CACNB4: variants seen among roughly 807,000 people sequenced by gnomAD.
CACNB4 encodes calcium voltage-gated channel auxiliary subunit beta 4, also known as voltage-dependent L-type calcium channel subunit beta-4.
CACNB4 carries 32 observed loss-of-function variants against 71.2 expected under a neutral mutation model. That is an observed-to-expected ratio of 0.45 (90% confidence interval 0.34 to 0.60). The LOEUF (loss-of-function observed/expected upper bound fraction) is 0.60, where lower values mean the gene tolerates loss of function less well. CACNB4 is among the 20% of genes least tolerant of loss of function. The pLI is 0.01. For synonymous variants in CACNB4, 231 were observed against 236.9 expected, an observed-to-expected ratio of 0.97 and a Z score of 0.23; for missense variants, 464 against 647.9, an observed-to-expected ratio of 0.72 and a Z score of 3.08.
rs80336789 is a variant in CACNB4, at chr2:151,955,919, A to G, written c.148-72549T>C. Among the ~76,000 whole-genome samples the G allele has an allele frequency of 6.8e-5, 3 of 43,858 alleles. No individual in the cohort carries two copies. In the Admixed American group the frequency reaches 7.1e-4, roughly 10 times the overall value. The allele number at this position is 43,858 out of a possible 152,430, so 28.8% of individuals were successfully genotyped here. On this transcript the variant is annotated intron_variant, in intron 2 of 13. Coordinates refer to ENST00000539935, the MANE Select transcript of CACNB4 (RefSeq NM_000726.5). ...CACGGTCTCAAAAATAAAAAATAGA[A>G]AAAAAAAAAAAGAATTAGACTTTGA...
chr2:151,874,339 G>A (rs145757221), intron 5 of CACNB4, among the ~76,000 whole-genome samples: 199 of 151,986 alleles, frequency 1.3e-3, no homozygotes, highest in African/African-American at 4.6e-3. Flanking sequence ...ACGATGGTGC[G>A]TGCCTGTAAC....
At chr2:151,914,664 TTTG>T (rs1430377957) in intron 2 of CACNB4, among the ~76,000 whole-genome samples, 3 of 152,102 alleles carry the variant, frequency 2.0e-5, no homozygotes, top group South Asian at 4.2e-4. Context: ...GTGGGGGCCT[TTTG>T]TTGTTGTTGA....
chr2:151,974,183 ACTC>A (rs2099873352), intron 2 of CACNB4: 1 of 154,924 alleles, frequency 6.5e-6, no homozygotes, highest in Non-Finnish European at 1.4e-5. Flanking sequence ...ACTATTGAAT[ACTC>A]CAAACACAAC....
rs60897379 is a variant in CACNB4, at chr2:152,074,749, T to C, written c.147+23581A>G. ...CACCCCCTCACCATTACCACCTCTATCATCACCATCACCTTCACCTCCACC... is the reference window on the plus strand; with the variant it reads ...CACCCCCTCACCATTACCACCTCTACCATCACCATCACCTTCACCTCCACC... On this transcript the variant is annotated intron_variant, in intron 2 of 13. Coordinates refer to ENST00000539935, the MANE Select transcript of CACNB4 (RefSeq NM_000726.5). 7.7e-3 allele frequency among the ~76,000 whole-genome samples: 830 copies of C among 108,062 alleles called. 30 individuals carry two copies. Among genetic ancestry groups the C allele is most frequent in the Non-Finnish European group, 9.7e-3 (499 of 51,646 alleles). 70.9% of individuals were successfully genotyped at this position (108,062 alleles called of 152,430 possible). A position where few individuals can be genotyped will look rare whatever the true frequency, so the allele number is the denominator to read the frequency against.
intron 2 of CACNB4, among the ~76,000 whole-genome samples, chr2:152,059,281 C>T (rs1246113322): frequency 6.6e-6 from 1 of 152,214 alleles, no homozygotes; most frequent in South Asian, 2.1e-4. Flanking sequence ...TGACAGCCTG[C>T]ACTGTGTGTG....
In CACNB4 at chr2:152,098,019, C is replaced by G; in HGVS notation, c.147+311G>C. ...GAATTAAAGACATTTCTCCACGCAC[C>G]AAAGATACAACCAGACATATTTCCA... On this transcript the variant is annotated intron_variant, in intron 2 of 13. Coordinates refer to ENST00000539935, the MANE Select transcript of CACNB4 (RefSeq NM_000726.5). The surrounding 1 kb of genome is among the most constrained non-coding windows in gnomAD (Gnocchi z 5.3). Among the ~76,000 whole-genome samples the G allele has an allele frequency of 6.6e-6, 1 of 152,228 alleles. No individual in the cohort carries two copies. Among genetic ancestry groups the G allele is most frequent in the African/African-American group, 2.4e-5 (1 of 41,454 alleles).
Position 151,833,632 on chromosome 2 carries a change from A to G in CACNB4, c.*5487T>C, listed in dbSNP as rs111700454. 8.5e-5 allele frequency: 13 copies of G among 152,130 alleles called. No homozygotes were observed. Among genetic ancestry groups the G allele is most frequent in the Non-Finnish European group, 1.5e-4 (10 of 67,956 alleles). The allele number at this position is 152,130 out of a possible 1,614,324, so 9.4% of individuals were successfully genotyped here. A position where few individuals can be genotyped will look rare whatever the true frequency, so the allele number is the denominator to read the frequency against. On this transcript the variant is annotated 3_prime_UTR_variant, in exon 14 of 14. Transcript: ENST00000539935. ...AAGGCTATGAAATAAATTGCTGGAA[A>G]AGTATCAAGCAGCAAGTTAAAAAGA...
At chr2:152,088,832 A>G (rs1210354035) in intron 2 of CACNB4, among the ~76,000 whole-genome samples, 1 of 152,228 alleles carries the variant, frequency 6.6e-6, no homozygotes, top group African/African-American at 2.4e-5. Context: ...ACAAAGGCGC[A>G]TGTTTACTCT....
At chr2:151,890,901 G>A (rs2099850567) in intron 2 of CACNB4, among the ~76,000 whole-genome samples, 1 of 152,124 alleles carries the variant, frequency 6.6e-6, no homozygotes, top group African/African-American at 2.4e-5. Context: ...GTTCTTGGTA[G>A]GTGATTCTAA....
At chr2:152,058,278 G>T (rs1032176505) in intron 2 of CACNB4, among the ~76,000 whole-genome samples, 1 of 152,318 alleles carries the variant, frequency 6.6e-6, no homozygotes, top group East Asian at 1.9e-4. Flanking sequence ...CGCAAAGAGG[G>T]GGGTACTGCT....
At chr2:151,973,599 G>C (rs979269287) in intron 2 of CACNB4, 34 of 1,386,784 alleles carry the variant, frequency 2.5e-5, no homozygotes, top group South Asian at 3.6e-5. Flanking sequence ...TAAGAAGCGG[G>C]GGGGTGGAGG....
chr2:152,076,140 T>TTTC (rs1553831503), intron 2 of CACNB4, among the ~76,000 whole-genome samples: 1 of 127,818 alleles, frequency 7.8e-6, no homozygotes, highest in Non-Finnish European at 1.7e-5. Context: ...TCTTTTCTTT[T>TTTC]TTTTTTTTTT....
intron 2 of CACNB4, among the ~76,000 whole-genome samples, chr2:151,915,790 TGA>T (rs1233408572): frequency 2.9e-5 from 4 of 139,516 alleles, no homozygotes; most frequent in African/African-American, 1.1e-4. Flanking sequence ...GAGGTTGCAG[TGA>T]GCTGAGATTG....
At chr2:152,054,170 A>G (rs1477211946) in intron 2 of CACNB4, among the ~76,000 whole-genome samples, 1 of 151,676 alleles carries the variant, frequency 6.6e-6, no homozygotes, top group Admixed American at 6.6e-5. Flanking sequence ...GATCGAGACC[A>G]TCCTGGCTAA....
chr2:151,844,792 G>A (rs999887583), intron 12 of CACNB4, among the ~76,000 whole-genome samples: 1 of 152,164 alleles, frequency 6.6e-6, no homozygotes, highest in East Asian at 1.9e-4. Flanking sequence ...CAGTCTTTCC[G>A]CCATTCCAGG....
intron 2 of CACNB4, among the ~76,000 whole-genome samples, chr2:152,047,366 C>T (rs1013584832): frequency 3.0e-4 from 46 of 152,162 alleles, no homozygotes; most frequent in Non-Finnish European, 6.0e-4. Context: ...GAGTTATGCC[C>T]ACAGGCCAAA....
At chr2:151,903,284 C>G (rs969075060) in intron 2 of CACNB4, among the ~76,000 whole-genome samples, 1 of 151,902 alleles carries the variant, frequency 6.6e-6, no homozygotes, top group African/African-American at 2.4e-5. Context: ...GGGGCTGAGG[C>G]GGGTGGATAA....
At chr2:151,991,471 T>G (rs1488920970) in intron 2 of CACNB4, among the ~76,000 whole-genome samples, 1 of 152,162 alleles carries the variant, frequency 6.6e-6, no homozygotes, top group Non-Finnish European at 1.5e-5. Flanking sequence ...CCAGATGACT[T>G]TTCATTGTCT....
intron 2 of CACNB4, among the ~76,000 whole-genome samples, chr2:151,930,843 T>G (rs1260628696): frequency 6.6e-6 from 1 of 152,238 alleles, no homozygotes; most frequent in Non-Finnish European, 1.5e-5. Flanking sequence ...GTTCATTATG[T>G]AATATATGTA....
Sources: allele counts gnomAD v4.1 joint callset (sites outside exome capture counted in the v4.1 genomes callset), GRCh38; gene constraint gnomAD v4.1.1; non-coding constraint Gnocchi (gnomAD v3.1); transcripts MANE v1.5; gene names NCBI Gene and HGNC (gene_info 2026-07-23, HGNC 2026-07-21).